GSE1: variants seen among roughly 807,000 people sequenced by gnomAD.
The protein encoded by GSE1 is Gse1 coiled-coil protein.
In GSE1, 32 loss-of-function variants were observed where a neutral mutation model predicts 112.6. That is an observed-to-expected ratio of 0.28 (90% CI 0.21 to 0.38). GSE1 has a LOEUF of 0.38. Ranked by LOEUF, GSE1 falls within the 10% of genes least tolerant of loss-of-function variation. The pLI is 1.00. For missense variants in GSE1, 2,348 were observed against 1,699.2 expected, an observed-to-expected ratio of 1.38 and a Z score of -6.71; for synonymous variants, 1,115 against 735.6, an observed-to-expected ratio of 1.52 and a Z score of -8.35.
chr16:85,431,245 T>C (rs1597733522), intron 2 of GSE1, among the ~76,000 whole-genome samples: 3 of 151,736 alleles, frequency 2.0e-5, no homozygotes, highest in Admixed American at 2.0e-4. Context: ...GCCCCTGGGG[T>C]GAATGTGGAG....
chr16:85,367,646 G>A (rs912894446), intron 2 of GSE1, among the ~76,000 whole-genome samples: 1 of 152,192 alleles, frequency 6.6e-6, no homozygotes, highest in Non-Finnish European at 1.5e-5. Flanking sequence ...GGGCCCCGGG[G>A]CAGCCAGTGC....
At chr16:85,596,532 C>G (rs902203751) in intron 1 of GSE1, among the ~76,000 whole-genome samples, 5 of 152,236 alleles carry the variant, frequency 3.3e-5, no homozygotes, top group East Asian at 3.8e-4. Flanking sequence ...ATATCATAAA[C>G]GTTGGCTCAG....
At chr16:85,645,927 G>A (rs111923062) in intron 2 of GSE1, among the ~76,000 whole-genome samples, 8,558 of 136,456 alleles carry the variant, frequency 0.063, 961 homozygotes, top group African/African-American at 0.23. Context: ...CATGCATTCT[G>A]CCTGCTTCTA....
In GSE1 at chr16:85,675,332, A is replaced by G. The variant is rs149739706; in HGVS notation, c.*2793A>G. 2 of 152,298 alleles carry G rather than the reference A, an allele frequency of 1.3e-5. No homozygotes were observed. Among genetic ancestry groups the G allele is most frequent in the African/African-American group, 4.8e-5 (2 of 41,568 alleles). The allele number at this position is 152,298 out of a possible 1,614,324, so 9.4% of individuals were successfully genotyped here. On this transcript the variant is annotated 3_prime_UTR_variant, in exon 16 of 16. Coordinates refer to ENST00000253458, the MANE Select transcript of GSE1 (RefSeq NM_014615.5). ...CCTCTGCAGAGGGATACCTTCCAAT[A>G]GTAAATTATCTGGTTCCTCACTGAA...
intron 2 of GSE1, among the ~76,000 whole-genome samples, chr16:85,498,791 A>G (rs2051266787): frequency 6.6e-6 from 1 of 152,342 alleles, no homozygotes; most frequent in East Asian, 1.9e-4. Context: ...CAGGGGTGGC[A>G]CAGGCAGGCC....
intron 1 of GSE1, among the ~76,000 whole-genome samples, chr16:85,206,776 G>T (rs1467693140): frequency 6.6e-6 from 1 of 150,446 alleles, no homozygotes; most frequent in African/African-American, 2.5e-5. Flanking sequence ...CGCCAGGATG[G>T]AGGTGCTGGC....
chr16:85,170,814 G>C, exon 1 of GSE1: 1 of 985,568 alleles, frequency 1.0e-6, no homozygotes, highest in Non-Finnish European at 1.2e-6. Flanking sequence ...CCTCCCTCAC[G>C]CAGCAGTGGC....
At chr16:85,456,128 A>T (rs2049819563) in intron 2 of GSE1, among the ~76,000 whole-genome samples, 1 of 152,158 alleles carries the variant, frequency 6.6e-6, no homozygotes, top group African/African-American at 2.4e-5. Context: ...CCCTGAGTTC[A>T]CCCAGTCCTG....
intron 1 of GSE1, among the ~76,000 whole-genome samples, chr16:85,600,776 C>G (rs535801039): frequency 6.6e-6 from 1 of 152,136 alleles, no homozygotes; most frequent in Non-Finnish European, 1.5e-5. Context: ...CAGGACAAGA[C>G]GGCATGGTGC....
At chr16:85,565,552 G>A (rs2045711597) in intron 1 of GSE1, among the ~76,000 whole-genome samples, 1 of 152,322 alleles carries the variant, frequency 6.6e-6, no homozygotes, top group Middle Eastern at 3.4e-3. Flanking sequence ...GGGGCCCATG[G>A]CGAAGGGTCC....
chr16:85,242,258 C>T (rs1442446248), intron 1 of GSE1, among the ~76,000 whole-genome samples: 1 of 152,186 alleles, frequency 6.6e-6, no homozygotes, highest in Non-Finnish European at 1.5e-5. Flanking sequence ...CCCAGCCCCC[C>T]TGCAAGCAGC....
In GSE1 at chr16:85,641,909, C is replaced by G. The variant is rs1269099148; in HGVS notation, c.227-6643C>G. ...GCTCCTTTCCACATCCATGTCGCCA[C>G]AAGTCCGCCCAGGGCTGGGTTCCCA... On this transcript the variant is annotated intron_variant, in intron 2 of 15. Coordinates refer to ENST00000253458, the MANE Select transcript of GSE1 (RefSeq NM_014615.5). Among the ~76,000 whole-genome samples, 5 of 152,344 alleles carry G rather than the reference C, an allele frequency of 3.3e-5. No homozygotes were observed. The East Asian group carries it at 7.7e-4, about 24-fold the overall frequency.
chr16:85,445,582 G>A (rs183841865), intron 2 of GSE1, among the ~76,000 whole-genome samples: 33 of 152,366 alleles, frequency 2.2e-4, no homozygotes, highest in Admixed American at 1.6e-3. Flanking sequence ...AAGCCCTGAG[G>A]ATGATAAATA....
At chr16:85,292,303 T>G (rs929721813) in intron 1 of GSE1, among the ~76,000 whole-genome samples, 1 of 141,988 alleles carries the variant, frequency 7.0e-6, no homozygotes, top group African/African-American at 2.6e-5. Context: ...CATGCCCAGC[T>G]AATTTTTGTT....
chr16:85,297,830 A>G (rs1021012208), intron 1 of GSE1, among the ~76,000 whole-genome samples: 12 of 152,060 alleles, frequency 7.9e-5, no homozygotes, highest in African/African-American at 2.9e-4. Flanking sequence ...TGAGTTTTAT[A>G]TTTCCTTGTC....
At chr16:85,238,132 C>T (rs1424025504) in intron 1 of GSE1, among the ~76,000 whole-genome samples, 2 of 152,162 alleles carry the variant, frequency 1.3e-5, no homozygotes, top group African/African-American at 2.4e-5. Flanking sequence ...GGACCCAACA[C>T]AGGCCTGGGG....
At chr16:85,519,973 C>A (rs369781398) in intron 2 of GSE1, among the ~76,000 whole-genome samples, 5 of 152,258 alleles carry the variant, frequency 3.3e-5, no homozygotes, top group Admixed American at 6.5e-5. Context: ...TTATGACCCA[C>A]GGTGCTTTGG....
chr16:85,620,621 G>A (rs2048669695), intron 1 of GSE1, among the ~76,000 whole-genome samples: 2 of 152,256 alleles, frequency 1.3e-5, no homozygotes, highest in East Asian at 1.9e-4. Context: ...TAGTCACCCC[G>A]TAACAGATAA....
intron 1 of GSE1, among the ~76,000 whole-genome samples, chr16:85,310,961 G>T (rs961349002): frequency 6.6e-6 from 1 of 152,234 alleles, no homozygotes; most frequent in Non-Finnish European, 1.5e-5. Context: ...GCCCCCCGCC[G>T]CTCCGCATCC....
Sources: gnomAD v4.1 joint callset for allele counts (sites outside exome capture counted in the v4.1 genomes callset) on GRCh38, gnomAD v4.1.1 for gene constraint, MANE v1.5 for transcripts, NCBI Gene and HGNC (gene_info 2026-07-23, HGNC 2026-07-21) for gene names.